Variants in FOXN3 observed in about 807,000 individuals in gnomAD.
FOXN3 encodes the protein forkhead box N3, also known as forkhead box protein N3.
Under a neutral mutation model 38.4 loss-of-function variants are expected in FOXN3, and 7 were observed. That is an observed-to-expected ratio of 0.18 (90% CI 0.10 to 0.34). The LOEUF (loss-of-function observed/expected upper bound fraction) is 0.34. Among genes scored for constraint, FOXN3 ranks in the 10% least tolerant of loss-of-function variants. The pLI is 1.00. For missense variants in FOXN3, 456 were observed against 613.4 expected, an observed-to-expected ratio of 0.74 and a Z score of 2.71; for synonymous variants, 230 against 242.2, an observed-to-expected ratio of 0.95 and a Z score of 0.47.
chr14:89,571,225 CTG>C (rs1347305683), intron 1 of FOXN3, among the ~76,000 whole-genome samples: 2 of 152,082 alleles, frequency 1.3e-5, no homozygotes, highest in Non-Finnish European at 2.9e-5. Context: ...AGGTGATAGA[CTG>C]GCCTGGCATG....
intron 4 of FOXN3, among the ~76,000 whole-genome samples, chr14:89,279,568 C>T (rs1428759707): frequency 6.6e-6 from 1 of 152,128 alleles, no homozygotes; most frequent in Non-Finnish European, 1.5e-5. Context: ...TTGAAAAGAA[C>T]CCAAAGGCTG....
chr14:89,240,689 G>T (rs1018963889), intron 4 of FOXN3, among the ~76,000 whole-genome samples: 1 of 152,238 alleles, frequency 6.6e-6, no homozygotes, highest in Non-Finnish European at 1.5e-5. Context: ...GGTCATCGTG[G>T]TTACCTCCGG....
chr14:89,262,668 A>G (rs540505582), intron 4 of FOXN3, among the ~76,000 whole-genome samples: 1 of 152,350 alleles, frequency 6.6e-6, no homozygotes, highest in African/African-American at 2.4e-5. Context: ...TATGGGGCTA[A>G]CAGAGTCTTT....
intron 4 of FOXN3, among the ~76,000 whole-genome samples, chr14:89,210,871 G>A (rs1884068719): frequency 6.6e-6 from 1 of 152,070 alleles, no homozygotes. Flanking sequence ...TGGCAAATTC[G>A]GCTCACTTCA....
At chr14:89,184,863 T>C (rs1463581310) in intron 4 of FOXN3, among the ~76,000 whole-genome samples, 1 of 152,198 alleles carries the variant, frequency 6.6e-6, no homozygotes, top group East Asian at 1.9e-4. Flanking sequence ...TTACTAATGA[T>C]CTACAAGGAT....
At chr14:89,240,860 G>A (rs537088768) in intron 4 of FOXN3, among the ~76,000 whole-genome samples, 4 of 152,290 alleles carry the variant, frequency 2.6e-5, no homozygotes, top group Middle Eastern at 3.4e-3. Context: ...GGGGTCCCAC[G>A]AATGGCCCAG....
Position 89,367,020 on chromosome 14 carries a change from A to C in FOXN3, c.544-16212T>G, listed in dbSNP as rs1687070090. ...TAACAGTGACAGGGTGTGTGTACTA[A>C]GCCAGAGAGCTTCAGTTATGATTTT... On this transcript the variant is annotated intron_variant, in intron 2 of 5. Coordinates refer to ENST00000557258, the MANE Select transcript of FOXN3 (RefSeq NM_005197.4). 1.3e-5 allele frequency among the ~76,000 whole-genome samples: 2 copies of C among 152,214 alleles called. 1 individual carries two copies. Among genetic ancestry groups the C allele is most frequent in the South Asian group, 4.1e-4 (2 of 4,834 alleles).
intron 4 of FOXN3, among the ~76,000 whole-genome samples, chr14:89,266,550 CCTT>C (rs1369785301): frequency 1.3e-5 from 2 of 152,092 alleles, no homozygotes; most frequent in Non-Finnish European, 2.9e-5. Flanking sequence ...ATTTTACAAA[CCTT>C]CATTGATCTC....
chr14:89,453,517 G>T (rs1420565891), intron 1 of FOXN3, among the ~76,000 whole-genome samples: 1 of 124,758 alleles, frequency 8.0e-6, no homozygotes, highest in African/African-American at 3.2e-5. Context: ...CCGAGATCAC[G>T]CCATTGCACT....
chr14:89,295,792 G>T (rs954043808), intron 3 of FOXN3, among the ~76,000 whole-genome samples: 1 of 135,422 alleles, frequency 7.4e-6, no homozygotes, highest in Non-Finnish European at 1.7e-5. Flanking sequence ...TAGAGACTGG[G>T]TCTTGCTATG....
chr14:89,603,693 A>G (rs75181945), intron 1 of FOXN3, among the ~76,000 whole-genome samples: 1,693 of 152,350 alleles, frequency 0.011, 28 homozygotes, highest in African/African-American at 0.039. Context: ...TATTTCCTCA[A>G]AAATTGTTTG....
intron 4 of FOXN3, among the ~76,000 whole-genome samples, chr14:89,182,077 T>C (rs8017349): frequency 0.81 from 123,663 of 152,212 alleles, 50,412 homozygotes; most frequent in African/African-American, 0.86. Flanking sequence ...CAAAGACCGT[T>C]GAAAAGGCTC....
intron 4 of FOXN3, among the ~76,000 whole-genome samples, chr14:89,216,560 C>A (rs1332811209): frequency 1.3e-5 from 2 of 152,158 alleles, no homozygotes; most frequent in African/African-American, 4.8e-5. Flanking sequence ...GGACCACACT[C>A]AGGCCCCTTT....
At chr14:89,204,102 C>CACACAA (rs958099269) in intron 4 of FOXN3, among the ~76,000 whole-genome samples, 4 of 135,592 alleles carry the variant, frequency 3.0e-5, no homozygotes, top group African/African-American at 1.2e-4. Flanking sequence ...CACACACACA[C>CACACAA]AACTACTACT....
chr14:89,366,146 G>A (rs898635191), intron 2 of FOXN3, among the ~76,000 whole-genome samples: 16 of 152,030 alleles, frequency 1.1e-4, no homozygotes, highest in Non-Finnish European at 1.9e-4. Context: ...CCAGCTACTC[G>A]GGAGGCTGAG....
chr14:89,264,167 T>C (rs1885895747), intron 4 of FOXN3: 1 of 152,800 alleles, frequency 6.5e-6, no homozygotes, highest in Non-Finnish European at 1.5e-5. Context: ...ATCATTACCT[T>C]GCACTCTGTA....
At position 89,161,596 on chromosome 14, in the gene FOXN3, T is replaced by TGTGC. The variant is rs61390956; in HGVS notation, c.*817_*818insGCAC. ...GTGTGTGTGTGTGTGTGTGTGTGTG[T>TGTGC]GCGTGCGTGCACAGGGCCAATCTTC... On this transcript the variant is annotated 3_prime_UTR_variant, in exon 6 of 6. Coordinates refer to ENST00000557258, the MANE Select transcript of FOXN3 (RefSeq NM_005197.4). 0.011 allele frequency: 1,494 copies of TGTGC among 136,694 alleles called. 27 individuals carry two copies. Among genetic ancestry groups the TGTGC allele is most frequent in the African/African-American group, 0.03 (1,095 of 36,782 alleles). 8.5% of individuals were successfully genotyped at this position (136,694 alleles called of 1,614,324 possible).
intron 1 of FOXN3, among the ~76,000 whole-genome samples, chr14:89,452,708 CA>C (rs1247762147): frequency 3.9e-5 from 6 of 152,080 alleles, no homozygotes; most frequent in African/African-American, 1.4e-4. Context: ...AGCCTAAGGA[CA>C]GGGGTCCAGA....
rs564762128 is a variant in FOXN3 at position 89,536,498 on chromosome 14, G to T, written c.-15+82530C>A. On this transcript the variant is annotated intron_variant, in intron 1 of 6. Coordinates refer to the FOXN3 transcript ENST00000345097. ...GTGAGGCTTATAAAGATTAAATAAG[G>T]TCGGCGGGCGCGGTGGCTCACGCCT... Among the ~76,000 whole-genome samples, 84 of 152,254 alleles carry T rather than the reference G, an allele frequency of 5.5e-4. 1 individual carries two copies. The highest frequency in any genetic ancestry group is 1.8e-3 in the African/African-American group (76 of 41,548).
Sources: gnomAD v4.1 joint callset for allele counts (sites outside exome capture counted in the v4.1 genomes callset) on GRCh38, gnomAD v4.1.1 for gene constraint, MANE v1.5 for transcripts, NCBI Gene and HGNC (gene_info 2026-07-23, HGNC 2026-07-21) for gene names.